The following TSPAN8 variants were observed in gnomAD, a reference collection of about 807,000 sequenced individuals.
TSPAN8 encodes the protein tetraspanin 8, also known as tetraspanin-8.
TSPAN8 carries 21 observed loss-of-function variants against 32.8 expected under a neutral mutation model. The ratio of observed to expected loss-of-function variants is 0.64; its 90% CI spans 0.45 to 0.92. The LOEUF (loss-of-function observed/expected upper bound fraction) is 0.92. Ranked by LOEUF, TSPAN8 falls within the 40% of genes least tolerant of loss-of-function variation. TSPAN8 has a pLI of 0.00. For missense variants in TSPAN8, 269 were observed against 281.9 expected (o/e 0.95, Z 0.33); for synonymous variants, 95 against 94.6 (o/e 1.00, Z -0.03).
intron 8 of TSPAN8, among the ~76,000 whole-genome samples, chr12:71,126,483 A>T (rs1199694435): frequency 6.6e-6 from 1 of 152,108 alleles, no homozygotes; most frequent in Non-Finnish European, 1.5e-5. Context: ...TTGAAATAGA[A>T]GCCGTCAATT....
chr12:71,132,068 A>G (rs1871534581), intron 7 of TSPAN8, among the ~76,000 whole-genome samples: 1 of 152,200 alleles, frequency 6.6e-6, no homozygotes, highest in Non-Finnish European at 1.5e-5. Flanking sequence ...CCATGTATTG[A>G]CATTCACAAG....
At chr12:71,144,251 A>G (rs1212610099) in intron 2 of TSPAN8, 38 bp from the exon 3 acceptor site, 2 of 1,585,442 alleles carry the variant, frequency 1.3e-6, no homozygotes, top group Non-Finnish European at 1.7e-6. Context: ...GAATACAATT[A>G]GGATCATATG....
At position 71,125,139 on chromosome 12, in the gene TSPAN8, A is replaced by G. The variant is rs1406462852; in HGVS notation, c.*195T>C. ...TTATTTTGAGTAAAAATACACATTC[A>G]TATCATTTTCCCTTATATCCCTCAA... On this transcript the variant is annotated 3_prime_UTR_variant, in exon 9 of 9. Coordinates refer to ENST00000247829, the MANE Select transcript of TSPAN8 (RefSeq NM_004616.3). The G allele has an allele frequency of 2.0e-6, 1 of 488,094 alleles. No individual in the cohort carries two copies. Among genetic ancestry groups the G allele is most frequent in the African/African-American group, 2.0e-5 (1 of 51,080 alleles). 30.2% of individuals were successfully genotyped at this position (488,094 alleles called of 1,614,324 possible). A position where few individuals can be genotyped will look rare whatever the true frequency, so the allele number is the denominator to read the frequency against.
Position 71,157,742 on chromosome 12 carries a change from A to C in TSPAN8, c.-64T>G. Reference sequence around the variant, plus strand: ...ACTATTCGTTACAGGCTTGTCCTGCAATATGCTCTGGAGCAACTTGCCTGC... The same window carrying C: ...ACTATTCGTTACAGGCTTGTCCTGCCATATGCTCTGGAGCAACTTGCCTGC... On this transcript the variant is annotated 5_prime_UTR_variant, in exon 2 of 9. The change creates a new upstream start codon in the 5' untranslated region. Transcript: ENST00000247829. The C allele has an allele frequency of 7.5e-7, 1 of 1,335,806 alleles. No homozygotes were observed. Among genetic ancestry groups the C allele is most frequent in the Non-Finnish European group, 1.1e-6 (1 of 928,718 alleles). The allele number at this position is 1,335,806 out of a possible 1,614,324, so 82.7% of individuals were successfully genotyped here. A position where few individuals can be genotyped will look rare whatever the true frequency, so the allele number is the denominator to read the frequency against.
chr12:71,135,773 G>C (rs1871677336), intron 6 of TSPAN8, among the ~76,000 whole-genome samples: 1 of 152,102 alleles, frequency 6.6e-6, no homozygotes, highest in South Asian at 2.1e-4. Flanking sequence ...GAGGCTCAGT[G>C]ATTACCTCTA....
intron 2 of TSPAN8, among the ~76,000 whole-genome samples, chr12:71,147,301 C>T (rs575340027): frequency 4.3e-4 from 66 of 152,246 alleles, no homozygotes; most frequent in Non-Finnish European, 9.0e-4. Flanking sequence ...CCAATCATCC[C>T]TACTTCTTCC....
chr12:71,149,422 G>C (rs1313699976), intron 2 of TSPAN8, among the ~76,000 whole-genome samples: 2 of 151,352 alleles, frequency 1.3e-5, no homozygotes, highest in African/African-American at 4.9e-5. Flanking sequence ...AGCATGGCCT[G>C]ATGTAGTTCT....
intron 2 of TSPAN8, among the ~76,000 whole-genome samples, chr12:71,154,205 G>T (rs1872348514): frequency 6.6e-6 from 1 of 151,974 alleles, no homozygotes; most frequent in Admixed American, 6.6e-5. Flanking sequence ...AGCTACTCGG[G>T]AGGCTGAGGC....
At chr12:71,156,267 AACAAAC>A (rs1244824526) in intron 2 of TSPAN8, among the ~76,000 whole-genome samples, 2,953 of 57,500 alleles carry the variant, frequency 0.051, 278 homozygotes, top group East Asian at 0.16. Flanking sequence ...AAAAAAAAAA[AACAAAC>A]AAAAAAAAAA....
intron 6 of TSPAN8, among the ~76,000 whole-genome samples, chr12:71,135,241 G>A (rs1158740665): frequency 9.8e-5 from 9 of 91,552 alleles, no homozygotes; most frequent in Non-Finnish European, 2.0e-4. Context: ...GGAGGAGGAG[G>A]AGGAGGAGGA....
intron 3 of TSPAN8, among the ~76,000 whole-genome samples, chr12:71,140,194 T>C (rs1401316186): frequency 6.6e-6 from 1 of 152,214 alleles, no homozygotes; most frequent in Non-Finnish European, 1.5e-5. Context: ...TATAAAAGCA[T>C]GTGTTGTTAT....
chr12:71,127,225 C>A (rs570165133), intron 8 of TSPAN8, among the ~76,000 whole-genome samples: 93 of 151,874 alleles, frequency 6.1e-4, no homozygotes, highest in African/African-American at 2.1e-3. Flanking sequence ...GGGAGATAGG[C>A]CTAAGTCATA....
At chr12:71,139,993 A>C in intron 3 of TSPAN8, 145 bp from the exon 4 acceptor site, 4 of 586,166 alleles carry the variant, frequency 6.8e-6, no homozygotes, top group Non-Finnish European at 8.6e-6. Context: ...AAAAGTACAA[A>C]TCCTTGCCCT....
chr12:71,142,851 A>C (rs79091053), intron 3 of TSPAN8, among the ~76,000 whole-genome samples: 17 of 126,732 alleles, frequency 1.3e-4, no homozygotes, highest in African/African-American at 4.5e-4. Flanking sequence ...AAAAAACAAA[A>C]AAAAAAAAAA....
At chr12:71,128,555 G>T (rs3914137) in intron 8 of TSPAN8, among the ~76,000 whole-genome samples, 3,601 of 151,904 alleles carry the variant, frequency 0.024, 172 homozygotes, top group African/African-American at 0.083. Context: ...CCCAAGATCT[G>T]GGATGATTCC....
At chr12:71,139,167 C>T (rs539127803) in intron 4 of TSPAN8, 1 of 456,390 alleles carries the variant, frequency 2.2e-6, no homozygotes, top group South Asian at 1.5e-5. Flanking sequence ...ATTCATCTTC[C>T]ATCATTTACT....
chr12:71,141,590 G>A (rs1456618096), intron 3 of TSPAN8, among the ~76,000 whole-genome samples: 1 of 152,228 alleles, frequency 6.6e-6, no homozygotes, highest in African/African-American at 2.4e-5. Context: ...CACTTGTGCA[G>A]CAGGTAGTGA....
chr12:71,136,355 TA>T (rs1871697060), intron 6 of TSPAN8, among the ~76,000 whole-genome samples: 1 of 152,214 alleles, frequency 6.6e-6, no homozygotes, highest in Non-Finnish European at 1.5e-5. Flanking sequence ...CAAAAATTAG[TA>T]AACTTTCACC....
chr12:71,156,269 C>CAAAAAA (rs1287011627), intron 2 of TSPAN8, among the ~76,000 whole-genome samples: 3 of 32,516 alleles, frequency 9.2e-5, no homozygotes, highest in African/African-American at 3.8e-4. Context: ...AAAAAAAAAA[C>CAAAAAA]AAACAAAAAA....
Sources: allele counts gnomAD v4.1 joint callset (sites outside exome capture counted in the v4.1 genomes callset), GRCh38; gene constraint gnomAD v4.1.1; transcripts MANE v1.5; gene names NCBI Gene and HGNC (gene_info 2026-07-23, HGNC 2026-07-21).